Variants in HLCS observed in about 807,000 individuals in gnomAD.
HLCS encodes biotin--protein ligase.
HLCS carries 53 observed loss-of-function variants against 75.0 expected under a neutral mutation model. The ratio of observed to expected loss-of-function variants is 0.71; its 90% CI spans 0.57 to 0.89. The LOEUF (loss-of-function observed/expected upper bound fraction) is 0.89, where lower values mean the gene tolerates loss of function less well. Among genes scored for constraint, HLCS ranks in the 40% least tolerant of loss-of-function variants. The pLI is 0.00. For missense variants in HLCS, 966 were observed against 1,074.0 expected, an observed-to-expected ratio of 0.90 and a Z score of 1.41; for synonymous variants, 431 against 428.6, an observed-to-expected ratio of 1.01 and a Z score of -0.07.
chr21:36,989,019 T>A (rs182506163), intron 1 of HLCS, among the ~76,000 whole-genome samples: 33 of 148,790 alleles, frequency 2.2e-4, no homozygotes, highest in Admixed American at 5.3e-4. Context: ...CTTTTAATTT[T>A]ATTTTATTTT....
At chr21:36,965,477 T>C (rs931006752) in intron 1 of HLCS, among the ~76,000 whole-genome samples, 7 of 152,170 alleles carry the variant, frequency 4.6e-5, no homozygotes, top group African/African-American at 7.2e-5. Context: ...CAGAGATTAA[T>C]TGACTGGCCC....
At position 36,788,668 on chromosome 21, in the gene HLCS, T is replaced by C. The variant is rs149106375; in HGVS notation, c.1893-21383A>G. On this transcript the variant is annotated intron_variant, in intron 6 of 10. Transcript: ENST00000674895. Reference sequence around the variant, plus strand: ...GAGAGGTTTATGTACTGCATTACAGTTGGATATTATTATATAAAATGAGTG... The same window carrying C: ...GAGAGGTTTATGTACTGCATTACAGCTGGATATTATTATATAAAATGAGTG... Among the ~76,000 whole-genome samples the C allele has an allele frequency of 3.2e-3, 489 of 151,670 alleles. 1 individual carries two copies. Among genetic ancestry groups the C allele is most frequent in the African/African-American group, 0.011 (460 of 41,510 alleles).
At chr21:36,794,976 C>T (rs945343848) in intron 6 of HLCS, among the ~76,000 whole-genome samples, 9 of 151,808 alleles carry the variant, frequency 5.9e-5, no homozygotes, top group African/African-American at 1.2e-4. Flanking sequence ...AGACAGCCCA[C>T]GGAATCCAAG....
upstream of HLCS, chr21:36,966,691 A>AG (rs1423109517): frequency 5.5e-6 from 5 of 901,352 alleles, no homozygotes; most frequent in Non-Finnish European, 6.6e-6. Flanking sequence ...CCAGCGCCCC[A>AG]GGCCCGGCCC....
chr21:36,879,656 G>T (rs2064127077), intron 6 of HLCS, among the ~76,000 whole-genome samples: 1 of 152,164 alleles, frequency 6.6e-6, no homozygotes, highest in African/African-American at 2.4e-5. Flanking sequence ...AACAGACCAA[G>T]CACAGTGGCT....
intron 6 of HLCS, among the ~76,000 whole-genome samples, chr21:36,781,189 G>A (rs556050186): frequency 7.9e-5 from 12 of 151,468 alleles, no homozygotes; most frequent in South Asian, 6.3e-4. Flanking sequence ...GAGCTGAGGC[G>A]GAGGTTGCAG....
chr21:36,783,553 G>A (rs2060595849), intron 6 of HLCS, among the ~76,000 whole-genome samples: 1 of 152,126 alleles, frequency 6.6e-6, no homozygotes, highest in Non-Finnish European at 1.5e-5. Flanking sequence ...CCAGAGGGTG[G>A]TAGGTAGTCG....
At chr21:36,870,303 G>T (rs550161408) in intron 6 of HLCS, among the ~76,000 whole-genome samples, 1 of 151,162 alleles carries the variant, frequency 6.6e-6, no homozygotes, top group South Asian at 2.1e-4. Flanking sequence ...TGAAGGGGTG[G>T]GGGGAGGAAG....
At chr21:36,967,935 G>T (rs2068674685), upstream of HLCS, among the ~76,000 whole-genome samples, 1 of 152,134 alleles carries the variant, frequency 6.6e-6, no homozygotes, top group South Asian at 2.1e-4. Context: ...GGCCAGGGTG[G>T]TCTCGAACTC....
chr21:36,828,225 T>C (rs1479518001), intron 6 of HLCS, among the ~76,000 whole-genome samples: 1 of 152,188 alleles, frequency 6.6e-6, no homozygotes, highest in Non-Finnish European at 1.5e-5. Context: ...CAGAAGTAAC[T>C]GAATAACAGC....
Position 36,937,140 on chromosome 21 carries a change from T to C in HLCS, c.746A>G (p.His249Arg). Residue 249 changes from histidine to arginine, a missense_variant, in exon 4 of 11, where the codon CAT becomes CGT. His to Arg is a conservative substitution (Grantham distance 29). Transcript: ENST00000674895. Reference sequence around the variant, plus strand: ...CAGACACTCGTGGCAACTAGACAGATGGAGGTGATAATGCTCAACGGGGCC... The same window carrying C: ...CAGACACTCGTGGCAACTAGACAGACGGAGGTGATAATGCTCAACGGGGCC... ...GGGPVEHYHL[H>R]LSSCHECLEL... The C allele has an allele frequency of 1.9e-6, 3 of 1,614,186 alleles. No homozygotes were observed. Among genetic ancestry groups the C allele is most frequent in the Middle Eastern group, 1.6e-4 (1 of 6,062 alleles).
intron 6 of HLCS, among the ~76,000 whole-genome samples, chr21:36,872,390 CA>C (rs374943958): frequency 1.3e-3 from 110 of 85,418 alleles, no homozygotes; most frequent in Middle Eastern, 0.014. Context: ...GCCTCTGTCT[CA>C]AAAAAAAAAA....
chr21:36,947,226 G>C (rs2067446784), intron 2 of HLCS: 1 of 440,456 alleles, frequency 2.3e-6, no homozygotes, highest in African/African-American at 2.1e-5. Context: ...CTCTGAAGAG[G>C]AATGAGGCAG....
At chr21:36,926,594 A>C (rs931032405) in intron 5 of HLCS, among the ~76,000 whole-genome samples, 1 of 152,170 alleles carries the variant, frequency 6.6e-6, no homozygotes, top group African/African-American at 2.4e-5. Flanking sequence ...TAAAATAACT[A>C]ATAACTAATT....
intron 6 of HLCS, among the ~76,000 whole-genome samples, chr21:36,773,497 C>T (rs1308640125): frequency 1.3e-5 from 2 of 152,260 alleles, no homozygotes; most frequent in South Asian, 2.1e-4. Context: ...TCGTGCCCTG[C>T]AGCAGTCTGG....
intron 2 of HLCS, among the ~76,000 whole-genome samples, chr21:36,955,599 A>G (rs932009444): frequency 6.6e-6 from 1 of 151,870 alleles, no homozygotes; most frequent in Non-Finnish European, 1.5e-5. Flanking sequence ...AGAATCAAAA[A>G]TTTTAAAAAA....
At position 36,752,089 on chromosome 21, in the gene HLCS, C is replaced by T. The variant is rs1325154967; in HGVS notation, c.*2157G>A. ...CTTTATTCAGCTAATTCTATAGAAGCGGAGTTTTGAGAGTCTTTGGTTCAT... is the reference window on the plus strand; with the variant it reads ...CTTTATTCAGCTAATTCTATAGAAGTGGAGTTTTGAGAGTCTTTGGTTCAT... On this transcript the variant is annotated 3_prime_UTR_variant, in exon 11 of 11. Coordinates refer to ENST00000674895, the MANE Select transcript of HLCS (RefSeq NM_001352514.2). The T allele has an allele frequency of 1.3e-5, 2 of 152,594 alleles. No individual in the cohort carries two copies. Among genetic ancestry groups the T allele is most frequent in the Non-Finnish European group, 2.9e-5 (2 of 68,044 alleles). 9.5% of individuals were successfully genotyped at this position (152,594 alleles called of 1,614,324 possible).
chr21:36,875,757 T>C (rs571584925), intron 6 of HLCS, among the ~76,000 whole-genome samples: 2 of 152,352 alleles, frequency 1.3e-5, no homozygotes, highest in South Asian at 4.1e-4. Context: ...ACTTGGGACC[T>C]GCCCAATGGT....
intron 6 of HLCS, among the ~76,000 whole-genome samples, chr21:36,771,091 G>A (rs2060191573): frequency 6.6e-6 from 1 of 152,010 alleles, no homozygotes; most frequent in Non-Finnish European, 1.5e-5. Context: ...ATGGTGGCGG[G>A]TGCCTGTAAT....
Sources: allele counts gnomAD v4.1 joint callset (sites outside exome capture counted in the v4.1 genomes callset), GRCh38; gene constraint gnomAD v4.1.1; transcripts MANE v1.5; gene names NCBI Gene and HGNC (gene_info 2026-07-23, HGNC 2026-07-21).